MMP26: variants seen among roughly 807,000 people sequenced by gnomAD.
The protein encoded by MMP26 is matrix metallopeptidase 26, also known as matrix metalloproteinase-26.
In MMP26, 33 loss-of-function variants were observed where a neutral mutation model predicts 31.0. The ratio of observed to expected loss-of-function variants is 1.06; its 90% CI spans 0.81 to 1.42. MMP26 has a LOEUF of 1.42. Among genes scored for constraint, MMP26 ranks in the 40% most tolerant of loss-of-function variants. The pLI is 0.00. For missense variants in MMP26, 347 were observed against 316.1 expected, an observed-to-expected ratio of 1.10 and a Z score of -0.74; for synonymous variants, 122 against 114.9, an observed-to-expected ratio of 1.06 and a Z score of -0.40.
chr11:4,706,002 T>C (rs1247516801), intron 1 of MMP26, among the ~76,000 whole-genome samples: 1 of 151,734 alleles, frequency 6.6e-6, no homozygotes, highest in Non-Finnish European at 1.5e-5. Context: ...GGGGGAGCTG[T>C]TCTTGGACCC....
At chr11:4,721,750 C>G (rs1848015970) in intron 1 of MMP26, among the ~76,000 whole-genome samples, 1 of 152,096 alleles carries the variant, frequency 6.6e-6, no homozygotes. Context: ...GGGTGTTGAC[C>G]AAAATGGACT....
chr11:4,914,454 A>G lies in MMP26; in HGVS notation c.-144-73614A>G, dbSNP rs141182366. On this transcript the variant is annotated intron_variant, in intron 2 of 7. Coordinates refer to ENST00000380390, the MANE Select transcript of MMP26 (RefSeq NM_021801.5). ...AAGTAGACCCTATCTCTTTATGAGGAGTAGCAAGTTCCTGGAAGAGCATGT... is the reference window on the plus strand; with the variant it reads ...AAGTAGACCCTATCTCTTTATGAGGGGTAGCAAGTTCCTGGAAGAGCATGT... 2.7e-3 allele frequency: 1,074 copies of G among 404,696 alleles called. 8 individuals are homozygous for G. Among genetic ancestry groups the G allele is most frequent in the Non-Finnish European group, 4.2e-3 (943 of 224,532 alleles). The allele number at this position is 404,696 out of a possible 1,614,324, so 25.1% of individuals were successfully genotyped here. A position where few individuals can be genotyped will look rare whatever the true frequency, so the allele number is the denominator to read the frequency against.
intron 1 of MMP26, among the ~76,000 whole-genome samples, chr11:4,765,151 C>T (rs1848613504): frequency 6.6e-6 from 1 of 152,126 alleles, no homozygotes; most frequent in African/African-American, 2.4e-5. Context: ...GCACTAACAG[C>T]CCTAGTTCAT....
At chr11:4,874,288 A>G (rs545729045) in intron 2 of MMP26, among the ~76,000 whole-genome samples, 2 of 152,204 alleles carry the variant, frequency 1.3e-5, no homozygotes, top group African/African-American at 4.8e-5. Context: ...ACCATATTGG[A>G]CAGTACTGCA....
intron 2 of MMP26, among the ~76,000 whole-genome samples, chr11:4,853,248 A>G (rs1411780555): frequency 6.6e-6 from 1 of 152,172 alleles, no homozygotes; most frequent in Non-Finnish European, 1.5e-5. Context: ...CACACATACA[A>G]GGGTAACTAT....
chr11:4,792,283 A>T (rs1564910632), intron 2 of MMP26, among the ~76,000 whole-genome samples: 1 of 152,152 alleles, frequency 6.6e-6, no homozygotes, highest in Admixed American at 6.5e-5. Flanking sequence ...GCAAATAATG[A>T]TAATTATGGA....
chr11:4,955,986 G>A (rs1040042014), intron 2 of MMP26, among the ~76,000 whole-genome samples: 5 of 152,128 alleles, frequency 3.3e-5, no homozygotes, highest in African/African-American at 7.2e-5. Flanking sequence ...GAGAATCCAG[G>A]TTTAAATTTT....
At chr11:4,729,646 G>A (rs1329263715) in intron 1 of MMP26, among the ~76,000 whole-genome samples, 1 of 152,080 alleles carries the variant, frequency 6.6e-6, no homozygotes, top group Non-Finnish European at 1.5e-5. Flanking sequence ...GGGCAAACAT[G>A]TTCAAGATAA....
intron 1 of MMP26, chr11:4,719,504 C>T (rs1564894022): frequency 6.5e-6 from 1 of 153,786 alleles, no homozygotes; most frequent in Non-Finnish European, 1.5e-5. Flanking sequence ...AGTGTGAAGA[C>T]CAAACAGATA....
intron 2 of MMP26, among the ~76,000 whole-genome samples, chr11:4,861,584 A>G (rs919466896): frequency 5.3e-5 from 8 of 152,126 alleles, no homozygotes; most frequent in African/African-American, 1.9e-4. Context: ...TTATTGGATG[A>G]AATTATTCAA....
chr11:4,834,075 C>T (rs1312988744), intron 2 of MMP26, among the ~76,000 whole-genome samples: 1 of 152,072 alleles, frequency 6.6e-6, no homozygotes, highest in Non-Finnish European at 1.5e-5. Flanking sequence ...AAGCCAGGCC[C>T]CTCACGTTTT....
At chr11:4,782,640 A>AT (rs1848879818) in intron 2 of MMP26, among the ~76,000 whole-genome samples, 1 of 147,488 alleles carries the variant, frequency 6.8e-6, no homozygotes, top group African/African-American at 2.6e-5. Flanking sequence ...TCCCAAGACA[A>AT]CGGGGAAAAT....
At chr11:4,884,525 A>G (rs1850522610) in intron 2 of MMP26, among the ~76,000 whole-genome samples, 1 of 152,220 alleles carries the variant, frequency 6.6e-6, no homozygotes, top group African/African-American at 2.4e-5. Flanking sequence ...ACGCCATACA[A>G]TTTCCCTTAG....
intron 2 of MMP26, among the ~76,000 whole-genome samples, chr11:4,900,091 C>T (rs966341937): frequency 2.0e-5 from 3 of 152,242 alleles, no homozygotes; most frequent in South Asian, 4.1e-4. Context: ...GGTGGAGACT[C>T]AACTCTACCT....
chr11:4,793,211 G>C (rs1849055684), intron 2 of MMP26, among the ~76,000 whole-genome samples: 1 of 152,108 alleles, frequency 6.6e-6, no homozygotes, highest in South Asian at 2.1e-4. Flanking sequence ...TAAATAAATT[G>C]AGATGATGTC....
chr11:4,856,088 G>A (rs1850047872), intron 2 of MMP26, among the ~76,000 whole-genome samples: 1 of 152,130 alleles, frequency 6.6e-6, no homozygotes, highest in Admixed American at 6.5e-5. Flanking sequence ...AACATGGAAA[G>A]GACAACCAGT....
At chr11:4,804,682 C>T (rs981275847) in intron 2 of MMP26, 5 of 445,704 alleles carry the variant, frequency 1.1e-5, no homozygotes, top group Admixed American at 2.8e-5. Flanking sequence ...TGGTGGCTTA[C>T]ACCTATAATC....
At chr11:4,816,381 G>C (rs868142525) in intron 2 of MMP26, among the ~76,000 whole-genome samples, 4 of 152,126 alleles carry the variant, frequency 2.6e-5, no homozygotes, top group African/African-American at 9.7e-5. Context: ...ATTTGGTGTA[G>C]AGCGTAATTT....
chr11:4,877,602 C>G (rs1221204022), intron 2 of MMP26: 1 of 152,158 alleles, frequency 6.6e-6, no homozygotes, highest in African/African-American at 2.4e-5. Context: ...TGGATATTTT[C>G]TATTTCTCTG....
Sources: gnomAD v4.1 joint callset for allele counts (sites outside exome capture counted in the v4.1 genomes callset) on GRCh38, gnomAD v4.1.1 for gene constraint, MANE v1.5 for transcripts, NCBI Gene and HGNC (gene_info 2026-07-23, HGNC 2026-07-21) for gene names.